RHBDD1: variants seen among roughly 807,000 people sequenced by gnomAD.
RHBDD1 encodes rhomboid-related protein 4.
RHBDD1 carries 38 observed loss-of-function variants against 36.3 expected under a neutral mutation model. That is an observed-to-expected ratio of 1.05 (90% CI 0.81 to 1.37). The LOEUF (loss-of-function observed/expected upper bound fraction) is 1.37, where lower values mean the gene tolerates loss of function less well. Among genes scored for constraint, RHBDD1 ranks in the 40% most tolerant of loss-of-function variants. RHBDD1 has a pLI of 0.00. For missense variants in RHBDD1, 393 were observed against 377.6 expected, an observed-to-expected ratio of 1.04 and a Z score of -0.34; for synonymous variants, 151 against 136.5, an observed-to-expected ratio of 1.11 and a Z score of -0.74.
In RHBDD1 at chr2:226,998,536, T is replaced by A. The variant is rs1279491538; in HGVS notation, c.*3014T>A. On this transcript the variant is annotated 3_prime_UTR_variant, in exon 9 of 9. Coordinates refer to ENST00000392062, the MANE Select transcript of RHBDD1 (RefSeq NM_001167608.3). ...AAAAAATATATATATAACTTCTTCC[T>A]TTCCCTTCCCATGAATCATTGCAGT... 1 of 152,244 alleles carries A rather than the reference T, an allele frequency of 6.6e-6. No individual in the cohort carries two copies. The highest frequency in any genetic ancestry group is 2.4e-5 in the African/African-American group (1 of 41,462). 9.4% of individuals were successfully genotyped at this position (152,244 alleles called of 1,614,324 possible).
intron 3 of RHBDD1, among the ~76,000 whole-genome samples, chr2:226,852,943 A>T (rs139760172): frequency 5.0e-4 from 72 of 144,470 alleles, no homozygotes; most frequent in African/African-American, 1.6e-3. Flanking sequence ...TATTATTATT[A>T]TTATTTGTAG....
chr2:226,919,979 G>C (rs971206027), intron 8 of RHBDD1, among the ~76,000 whole-genome samples: 10 of 151,746 alleles, frequency 6.6e-5, no homozygotes, highest in African/African-American at 2.2e-4. Flanking sequence ...TCCACTTTTT[G>C]TGTCTGCTTC....
At chr2:226,854,354 A>C (rs1288737313) in intron 3 of RHBDD1, among the ~76,000 whole-genome samples, 1 of 152,090 alleles carries the variant, frequency 6.6e-6, no homozygotes. Context: ...GCACTTTAGG[A>C]GGCTGAGGCA....
intron 8 of RHBDD1, among the ~76,000 whole-genome samples, chr2:226,934,078 T>C (rs1348525851): frequency 1.3e-5 from 2 of 152,156 alleles, no homozygotes; most frequent in Non-Finnish European, 2.9e-5. Context: ...AAACATCCAG[T>C]ACTATTTATA....
intron 8 of RHBDD1, among the ~76,000 whole-genome samples, chr2:226,984,798 G>A (rs1305746779): frequency 6.6e-6 from 1 of 152,098 alleles, no homozygotes; most frequent in East Asian, 1.9e-4. Flanking sequence ...AAACCCCCAA[G>A]TCAAACCAAG....
chr2:226,970,930 A>G (rs1367319513), intron 8 of RHBDD1, among the ~76,000 whole-genome samples: 1 of 152,190 alleles, frequency 6.6e-6, no homozygotes, highest in Admixed American at 6.5e-5. Context: ...CATCATTTCA[A>G]GTGTATTAAA....
chr2:226,847,400 G>A (rs1434596893), intron 3 of RHBDD1, among the ~76,000 whole-genome samples: 1 of 151,964 alleles, frequency 6.6e-6, no homozygotes, highest in East Asian at 1.9e-4. Flanking sequence ...ACTTCCCTAA[G>A]GTCTTCTCTG....
At chr2:226,983,066 T>A (rs1244010554) in intron 8 of RHBDD1, among the ~76,000 whole-genome samples, 1 of 152,242 alleles carries the variant, frequency 6.6e-6, no homozygotes, top group Non-Finnish European at 1.5e-5. Flanking sequence ...CCAAATGCCA[T>A]GCTAGTGCAA....
chr2:226,952,658 A>C (rs1951508200), intron 8 of RHBDD1, among the ~76,000 whole-genome samples: 1 of 152,150 alleles, frequency 6.6e-6, no homozygotes, highest in African/African-American at 2.4e-5. Flanking sequence ...CATGCTTTAT[A>C]CATAATTTTA....
chr2:226,949,464 G>C (rs1951266705), intron 8 of RHBDD1, among the ~76,000 whole-genome samples: 1 of 152,142 alleles, frequency 6.6e-6, no homozygotes, highest in African/African-American at 2.4e-5. Context: ...ACATTGCTGG[G>C]AGGCTGACAT....
chr2:226,851,690 T>C (rs1338611419), intron 3 of RHBDD1, among the ~76,000 whole-genome samples: 1 of 152,212 alleles, frequency 6.6e-6, no homozygotes, highest in Non-Finnish European at 1.5e-5. Context: ...AATGAATTAA[T>C]TGTGAATCTT....
chr2:226,983,619 C>CT (rs902238515), intron 8 of RHBDD1, among the ~76,000 whole-genome samples: 23 of 151,482 alleles, frequency 1.5e-4, no homozygotes, highest in African/African-American at 5.1e-4. Context: ...ACTGGCTTGT[C>CT]TTTTTTTTTC....
intron 5 of RHBDD1, among the ~76,000 whole-genome samples, chr2:226,881,213 C>T (rs551736809): frequency 6.6e-5 from 10 of 152,298 alleles, no homozygotes; most frequent in African/African-American, 2.4e-4. Context: ...GATTCAGTTA[C>T]CTCCACCTGG....
At chr2:226,924,403 T>C (rs554666844) in intron 8 of RHBDD1, among the ~76,000 whole-genome samples, 1 of 152,246 alleles carries the variant, frequency 6.6e-6, no homozygotes, top group East Asian at 1.9e-4. Flanking sequence ...CAAATTTGTC[T>C]TTACTCTTCC....
chr2:226,803,690 C>T, the RHBDD1 span, among the ~76,000 whole-genome samples: 1 of 152,314 alleles, frequency 6.6e-6, no homozygotes, highest in Non-Finnish European at 1.5e-5. Flanking sequence ...TAAACATTAT[C>T]AGTTACAGAC....
intron 6 of RHBDD1, among the ~76,000 whole-genome samples, chr2:226,907,879 A>G (rs929142440): frequency 2.6e-5 from 4 of 152,190 alleles, no homozygotes; most frequent in African/African-American, 7.2e-5. Context: ...TGTATTTTCA[A>G]TACAATTTAA....
chr2:226,891,631 C>G (rs1219263086), intron 5 of RHBDD1, among the ~76,000 whole-genome samples: 1 of 152,146 alleles, frequency 6.6e-6, no homozygotes, highest in Non-Finnish European at 1.5e-5. Flanking sequence ...CTCCTACATC[C>G]TAATGCTAGC....
chr2:226,813,954 C>T, the RHBDD1 span, among the ~76,000 whole-genome samples: 30 of 152,244 alleles, frequency 2.0e-4, no homozygotes, highest in Admixed American at 1.6e-3. Flanking sequence ...CTTCCTTAAC[C>T]TATTTTATTT....
At chr2:226,838,548 GAAAT>G (rs1255521386) in intron 2 of RHBDD1, among the ~76,000 whole-genome samples, 1 of 152,132 alleles carries the variant, frequency 6.6e-6, no homozygotes, top group Non-Finnish European at 1.5e-5. Flanking sequence ...TGAATTAAAT[GAAAT>G]AACGCATAAA....
Sources: gnomAD v4.1 joint callset for allele counts (sites outside exome capture counted in the v4.1 genomes callset) on GRCh38, gnomAD v4.1.1 for gene constraint, MANE v1.5 for transcripts, NCBI Gene and HGNC (gene_info 2026-07-23, HGNC 2026-07-21) for gene names.